CRAMP1: variants seen among roughly 807,000 people sequenced by gnomAD.
CRAMP1 encodes the protein protein cramped-like.
Under a neutral mutation model 115.4 loss-of-function variants are expected in CRAMP1, and 50 were observed. The observed-to-expected ratio is 0.43, with a 90% confidence interval of 0.35 to 0.55. CRAMP1 has a LOEUF of 0.55. Among genes scored for constraint, CRAMP1 ranks in the 20% least tolerant of loss-of-function variants. The pLI is 0.01. For synonymous variants in CRAMP1, 866 were observed against 745.4 expected (o/e 1.16, Z -2.64); for missense variants, 1,679 against 1,721.7 (o/e 0.98, Z 0.44).
chr16:1,621,939 T>C (rs1380485155), intron 2 of CRAMP1, among the ~76,000 whole-genome samples: 1 of 152,192 alleles, frequency 6.6e-6, no homozygotes, highest in East Asian at 1.9e-4. Context: ...GTCTCTTGCC[T>C]TTCTCCTCCC....
chr16:1,640,397 G>A (rs1306937489), intron 5 of CRAMP1, among the ~76,000 whole-genome samples: 1 of 152,180 alleles, frequency 6.6e-6, no homozygotes, highest in African/African-American at 2.4e-5. Context: ...TCCGTGCGAG[G>A]TGCATTGTCT....
intron 6 of CRAMP1, chr16:1,647,172 C>T: frequency 1.6e-6 from 1 of 628,970 alleles, no homozygotes; most frequent in Non-Finnish European, 2.9e-6. Context: ...AGACCTGTTT[C>T]AATTAACTGT....
rs562220790 is a variant in CRAMP1 at position 1,614,311 on chromosome 16, CCCGGGGCCGGGG to C, written c.-1-310_-1-299del. Among the ~76,000 whole-genome samples the C allele has an allele frequency of 7.1e-4, 103 of 144,264 alleles. No homozygotes were observed. The Middle Eastern group carries it at 0.011, about 15-fold the overall frequency. 94.6% of individuals were successfully genotyped at this position (144,264 alleles called of 152,430 possible). A position where few individuals can be genotyped will look rare whatever the true frequency, so the allele number is the denominator to read the frequency against. On this transcript the variant is annotated intron_variant, in intron 1 of 20. Transcript: ENST00000397412. The surrounding 1 kb of genome is among the most constrained non-coding windows in gnomAD (Gnocchi z 4.4). ...CGCCCGCGCCGGGGCTCCCATAGAC[CCCGGGGCCGGGG>C]CCGGGGCCGGGGCCGGGCAGGGTCC...
chr16:1,624,977 T>C (rs2036497252), intron 2 of CRAMP1, among the ~76,000 whole-genome samples: 1 of 152,192 alleles, frequency 6.6e-6, no homozygotes, highest in Admixed American at 6.5e-5. Context: ...TCCACCCGCC[T>C]CAGCCTCCCA....
At chr16:1,650,336 CG>C (rs1038515145) in intron 6 of CRAMP1, among the ~76,000 whole-genome samples, 9 of 152,304 alleles carry the variant, frequency 5.9e-5, no homozygotes, top group African/African-American at 1.9e-4. Context: ...AGCCAAACTG[CG>C]GGAGTCATCT....
In CRAMP1 at chr16:1,656,641, C is replaced by T; in HGVS notation, c.1884C>T (p.Cys628=). The change falls in exon 10 of 21, where the codon TGC becomes TGT. Residue 628 remains cysteine, a synonymous_variant. Coordinates refer to ENST00000397412, the MANE Select transcript of CRAMP1 (RefSeq NM_020825.4). The surrounding 1 kb of genome is among the most constrained non-coding windows in gnomAD (Gnocchi z 5.6). ...GCCCCGGGCTCCTGCTGGATGTTTG[C>T]ACTAAAGACTTGGCAGATGCACCTG... ...RPGPGLLLDV[C]TKDLADAPAE... is the part of the protein sequence containing the mutation. 6.3e-7 allele frequency: 1 copy of T among 1,579,292 alleles called. No homozygotes were observed. The highest frequency in any genetic ancestry group is 1.3e-5 in the African/African-American group (1 of 74,242).
intron 4 of CRAMP1, among the ~76,000 whole-genome samples, chr16:1,634,808 C>T (rs934826855): frequency 3.3e-5 from 5 of 152,238 alleles, no homozygotes; most frequent in South Asian, 2.1e-4. Context: ...TAGGACACTG[C>T]GAAGTGACTG....
In CRAMP1 at chr16:1,662,784, A is replaced by G; in HGVS notation, c.2619A>G (p.Pro873=). The G allele has an allele frequency of 6.2e-7, 1 of 1,613,922 alleles. No homozygotes were observed. Among genetic ancestry groups the G allele is most frequent in the Non-Finnish European group, 8.5e-7 (1 of 1,179,880 alleles). The stretch of plus-strand genomic sequence containing the variant: ...AGATGCAGTCGGATTTCTTCCTGCC[A>G]AAGCCCCGGAAGCTGCGGAACCGGC... ...SISMQSDFFL[P]KPRKLRNRHL... The change falls in exon 13 of 21, where the codon CCA becomes CCG. Residue 873 remains proline, a synonymous_variant. Coordinates refer to ENST00000397412, the MANE Select transcript of CRAMP1 (RefSeq NM_020825.4).
Position 1,674,199 on chromosome 16 carries a change from G to C in CRAMP1, c.*154G>C, listed in dbSNP as rs1349487060. ...TCACAGAGCTGCTTCCCCACGAGCA[G>C]CAGGCAACGGCGTCCAAGGAGACTA... On this transcript the variant is annotated 3_prime_UTR_variant, in exon 21 of 21. Coordinates refer to ENST00000397412, the MANE Select transcript of CRAMP1 (RefSeq NM_020825.4). 1.4e-6 allele frequency: 1 copy of C among 708,082 alleles called. No individual in the cohort carries two copies. The highest frequency in any genetic ancestry group is 1.8e-5 in the African/African-American group (1 of 55,882). 43.9% of individuals were successfully genotyped at this position (708,082 alleles called of 1,614,324 possible). A position where few individuals can be genotyped will look rare whatever the true frequency, so the allele number is the denominator to read the frequency against.
Position 1,634,838 on chromosome 16 carries a change from C to T in CRAMP1, c.694+2473C>T, listed in dbSNP as rs544347048. 8.5e-5 allele frequency among the ~76,000 whole-genome samples: 13 copies of T among 152,298 alleles called. No individual in the cohort carries two copies. In the South Asian group the frequency reaches 1.7e-3, roughly 19 times the overall value. On this transcript the variant is annotated intron_variant, in intron 4 of 20. Coordinates refer to ENST00000397412, the MANE Select transcript of CRAMP1 (RefSeq NM_020825.4). ...TGACTGGCCCCATGGACTGTCATTG[C>T]GCATCAAACAGAGTGGCAACTTTTT...
chr16:1,653,738 G>A (rs867778049), intron 8 of CRAMP1, among the ~76,000 whole-genome samples: 2 of 148,520 alleles, frequency 1.3e-5, no homozygotes, highest in Non-Finnish European at 3.0e-5. Flanking sequence ...GGAGAATGAC[G>A]TGAACCCGGG....
chr16:1,617,249 C>T (rs997079922), intron 2 of CRAMP1, among the ~76,000 whole-genome samples: 3 of 152,186 alleles, frequency 2.0e-5, no homozygotes, highest in Non-Finnish European at 2.9e-5. Flanking sequence ...TGGAGCTTCC[C>T]GGGAAGGAAG....
At chr16:1,648,573 C>A (rs952561329) in intron 6 of CRAMP1, among the ~76,000 whole-genome samples, 1 of 151,328 alleles carries the variant, frequency 6.6e-6, no homozygotes, top group African/African-American at 2.4e-5. Context: ...CCGCTGCACT[C>A]CAGGCTGGGC....
chr16:1,626,111 A>C lies in CRAMP1; in HGVS notation c.485A>C (p.Gln162Pro). 1 of 1,550,098 alleles carries C rather than the reference A, an allele frequency of 6.5e-7. No homozygotes were observed. Among genetic ancestry groups the C allele is most frequent in the Non-Finnish European group, 8.7e-7 (1 of 1,146,164 alleles). The change falls in exon 3 of 21, where the codon CAG becomes CCG. Residue 162 changes from glutamine (Q) to proline (P), a missense_variant. Physicochemically the swap from Gln to Pro is moderately conservative, Grantham distance 76. Around this residue, in one of 8 missense-constraint regions of CRAMP1, gnomAD observed 44 missense variants for 92.4 expected, o/e 0.48. Coordinates refer to ENST00000397412, the MANE Select transcript of CRAMP1 (RefSeq NM_020825.4). ...GAAGAAGGCAAAAAGGTCCGGCGGC[A>C]GTGGGAGTCGTGGAGCACAGAGGAC... is the stretch of plus-strand genomic sequence containing the variant. ...EKEEGKKVRR[Q>P]WESWSTEDKN...
At chr16:1,636,950 G>A (rs906557760) in intron 4 of CRAMP1, among the ~76,000 whole-genome samples, 1 of 152,170 alleles carries the variant, frequency 6.6e-6, no homozygotes, top group Non-Finnish European at 1.5e-5. Context: ...TTCCAGTGGT[G>A]TAGCCATGAC....
At chr16:1,653,834 A>C (rs201916639) in intron 8 of CRAMP1, among the ~76,000 whole-genome samples, 3,411 of 145,568 alleles carry the variant, frequency 0.023, 233 homozygotes, top group Admixed American at 0.13. Context: ...AAAAAAAAAA[A>C]AAACAAACAA....
rs138536444 is a variant in CRAMP1 at position 1,676,036 on chromosome 16, C to G, written c.*1991C>G. On this transcript the variant is annotated 3_prime_UTR_variant, in exon 21 of 21. Transcript: ENST00000397412. ...GAGTTCAGGCCACTGCTAGCTTTCT[C>G]ATACTCCCACAGGCTAGACCAGAGA... 6.6e-6 allele frequency: 1 copy of G among 152,428 alleles called. No individual in the cohort carries two copies. Among genetic ancestry groups the G allele is most frequent in the African/African-American group, 2.4e-5 (1 of 41,586 alleles). 9.4% of individuals were successfully genotyped at this position (152,428 alleles called of 1,614,324 possible).
Position 1,614,824 on chromosome 16 carries a change from C to T in CRAMP1, c.185C>T (p.Pro62Leu), listed in dbSNP as rs1007968040. The T allele has an allele frequency of 2.4e-5, 31 of 1,271,112 alleles. No individual in the cohort carries two copies. Among genetic ancestry groups the T allele is most frequent in the Non-Finnish European group, 3.0e-5 (30 of 1,013,106 alleles). The allele number at this position is 1,271,112 out of a possible 1,614,324, so 78.7% of individuals were successfully genotyped here. The change falls in exon 2 of 21, where the codon CCC becomes CTC. Residue 62 changes from proline to leucine, a missense_variant. By Grantham distance (98) the Pro-to-Leu change is moderately conservative. Around this residue, in one of 8 missense-constraint regions of CRAMP1, gnomAD observed 264 missense variants for 229.7 expected, o/e 1.15. Coordinates refer to ENST00000397412, the MANE Select transcript of CRAMP1 (RefSeq NM_020825.4). This position sits in a 1 kb window ranked among gnomAD's most constrained non-coding sequence, Gnocchi z 4.4. ...PRAGADGPPA[P>L]PGAPQAPSPP... ...GCCGGCGCCGACGGCCCCCCCGCGC[C>T]CCCCGGCGCGCCGCAGGCGCCGTCC...
intron 8 of CRAMP1, among the ~76,000 whole-genome samples, chr16:1,654,485 T>C (rs1481024339): frequency 6.6e-6 from 1 of 152,212 alleles, no homozygotes; most frequent in Non-Finnish European, 1.5e-5. Context: ...GTGTTGGGAT[T>C]CCAGGCGTGT....
Sources: allele counts gnomAD v4.1 joint callset (sites outside exome capture counted in the v4.1 genomes callset), GRCh38; gene constraint gnomAD v4.1.1; regional missense constraint gnomAD v4.1.1; non-coding constraint Gnocchi (gnomAD v3.1); transcripts MANE v1.5; gene names NCBI Gene and HGNC (gene_info 2026-07-23, HGNC 2026-07-21).